The following PRKCB variants were observed in gnomAD, a reference collection of about 807,000 sequenced individuals.
PRKCB encodes protein kinase C beta.
Under a neutral mutation model 81.5 loss-of-function variants are expected in PRKCB, and 13 were observed. The ratio of observed to expected loss-of-function variants is 0.16; its 90% CI spans 0.10 to 0.25. PRKCB has a LOEUF of 0.25. Ranked by LOEUF, PRKCB falls within the 10% of genes least tolerant of loss-of-function variation. PRKCB has a pLI of 1.00. For missense variants in PRKCB, 509 were observed against 875.7 expected (o/e 0.58, Z 5.29); for synonymous variants, 335 against 321.4 (o/e 1.04, Z -0.45).
At chr16:24,026,370 G>T (rs1400772021) in intron 3 of PRKCB, among the ~76,000 whole-genome samples, 1 of 152,140 alleles carries the variant, frequency 6.6e-6, no homozygotes, top group African/African-American at 2.4e-5. Flanking sequence ...GTGCTTCTTG[G>T]TATCTCCTCT....
At chr16:23,845,533 C>A (rs185800088) in intron 2 of PRKCB, among the ~76,000 whole-genome samples, 6 of 152,178 alleles carry the variant, frequency 3.9e-5, no homozygotes, top group Admixed American at 2.0e-4. Context: ...GTAATCACAG[C>A]ACTCCGGAAG....
chr16:23,882,013 TCTTTCTTTCTTCCTTCCTTCCTTC>T (rs1290147063), intron 2 of PRKCB, among the ~76,000 whole-genome samples: 1 of 22,528 alleles, frequency 4.4e-5, no homozygotes, highest in African/African-American at 9.1e-5. Flanking sequence ...TTTCTTTCTT[TCTTTCTTTCTTCCTTCCTTCCTTC>T]CTTCCTTCCT....
At chr16:24,004,424 T>C (rs1222296744) in intron 3 of PRKCB, among the ~76,000 whole-genome samples, 1 of 150,126 alleles carries the variant, frequency 6.7e-6, no homozygotes, top group Non-Finnish European at 1.5e-5. Context: ...AGCAGATCAC[T>C]TGAGCTCAGG....
intron 2 of PRKCB, among the ~76,000 whole-genome samples, chr16:23,931,520 TG>T (rs1376545555): frequency 6.6e-6 from 1 of 151,960 alleles, no homozygotes; most frequent in African/African-American, 2.4e-5. Flanking sequence ...GTCATCAGGT[TG>T]GGGTGAGGGT....
At chr16:24,155,104 C>T (rs920917126) in intron 10 of PRKCB, among the ~76,000 whole-genome samples, 1 of 152,230 alleles carries the variant, frequency 6.6e-6, no homozygotes, top group Admixed American at 6.5e-5. Flanking sequence ...ATTAACAGAG[C>T]AGGGCCTTTC....
At position 24,219,930 on chromosome 16, in the gene PRKCB, T is replaced by G. The variant is rs1968296209; in HGVS notation, c.*5114T>G. ...TGGTCCTGTGTCTTTCTTCTTACGC[T>G]GTGTTAATGTGTTTACTTTCCATTT... On this transcript the variant is annotated 3_prime_UTR_variant, in exon 17 of 17. Transcript: ENST00000643927. 2 of 1,609,706 alleles carry G rather than the reference T, an allele frequency of 1.2e-6. No individual in the cohort carries two copies. The highest frequency in any genetic ancestry group is 4.5e-5 in the East Asian group (2 of 44,676).
At chr16:24,165,883 CTTTTTTTT>C (rs71154285) in intron 10 of PRKCB, among the ~76,000 whole-genome samples, 6 of 94,002 alleles carry the variant, frequency 6.4e-5, no homozygotes, top group Non-Finnish European at 1.1e-4. Context: ...TTCTTTCTTT[CTTTTTTTT>C]TTTTTTTTTT....
intron 8 of PRKCB, among the ~76,000 whole-genome samples, chr16:24,117,102 A>T (rs1966744619): frequency 6.9e-6 from 1 of 145,626 alleles, no homozygotes; most frequent in African/African-American, 2.8e-5. Flanking sequence ...ACAGACCGAA[A>T]ATTGTTCTCA....
chr16:24,008,103 T>C (rs960646460), intron 3 of PRKCB, among the ~76,000 whole-genome samples: 1 of 152,230 alleles, frequency 6.6e-6, no homozygotes, highest in Non-Finnish European at 1.5e-5. Flanking sequence ...CCCTGTGAGA[T>C]AGGTTATCAT....
intron 10 of PRKCB, among the ~76,000 whole-genome samples, chr16:24,158,558 A>G (rs1201811066): frequency 1.3e-5 from 2 of 151,500 alleles, no homozygotes; most frequent in African/African-American, 4.9e-5. Context: ...GTATATGTAT[A>G]TGTATATGTA....
intron 5 of PRKCB, among the ~76,000 whole-genome samples, chr16:24,090,611 G>T (rs1188959202): frequency 6.6e-6 from 1 of 152,150 alleles, no homozygotes; most frequent in South Asian, 2.1e-4. Flanking sequence ...AAAGCAAGAG[G>T]GAATAGGGAG....
At chr16:24,040,260 C>T (rs1053210701) in intron 5 of PRKCB, among the ~76,000 whole-genome samples, 1 of 152,156 alleles carries the variant, frequency 6.6e-6, no homozygotes, top group African/African-American at 2.4e-5. Flanking sequence ...TCTAACATGG[C>T]GATCTCATTC....
At chr16:23,897,031 A>G (rs755067435) in intron 2 of PRKCB, among the ~76,000 whole-genome samples, 16 of 152,014 alleles carry the variant, frequency 1.1e-4, no homozygotes, top group Non-Finnish European at 1.9e-4. Flanking sequence ...CATCCATCCA[A>G]TAAGCAGTCA....
intron 3 of PRKCB, among the ~76,000 whole-genome samples, chr16:24,002,324 C>CGTGTGTGTGTGT (rs1491527505): frequency 8.2e-6 from 1 of 122,654 alleles, no homozygotes; most frequent in Non-Finnish European, 1.8e-5. Flanking sequence ...TGTGTGTGTG[C>CGTGTGTGTGTGT]GTGCGTGTGT....
At chr16:23,946,958 C>T (rs368574294) in intron 2 of PRKCB, among the ~76,000 whole-genome samples, 5 of 151,752 alleles carry the variant, frequency 3.3e-5, no homozygotes, top group Non-Finnish European at 5.9e-5. Context: ...TAGGCTTAAG[C>T]GATTCTCTTG....
intron 2 of PRKCB, among the ~76,000 whole-genome samples, chr16:23,982,124 CT>C (rs1964737504): frequency 4.4e-5 from 1 of 22,794 alleles, no homozygotes; most frequent in African/African-American, 2.6e-4. Flanking sequence ...TTCCCTTCCC[CT>C]TCCCTTCCCT....
chr16:23,896,289 C>T (rs1963378080), intron 2 of PRKCB, among the ~76,000 whole-genome samples: 1 of 152,156 alleles, frequency 6.6e-6, no homozygotes, highest in Non-Finnish European at 1.5e-5. Flanking sequence ...TCATTACTCA[C>T]TTTTTATGTT....
At chr16:23,843,400 G>A (rs1962300369) in intron 2 of PRKCB, among the ~76,000 whole-genome samples, 1 of 152,118 alleles carries the variant, frequency 6.6e-6, no homozygotes, top group African/African-American at 2.4e-5. Context: ...TGAATAAAAG[G>A]CAGAGGCTTT....
intron 15 of PRKCB, among the ~76,000 whole-genome samples, chr16:24,190,265 C>A (rs1033621410): frequency 1.3e-5 from 2 of 152,108 alleles, no homozygotes; most frequent in African/African-American, 2.4e-5. Flanking sequence ...TTGACTAATA[C>A]TTTTTCTTCT....
Sources: allele counts gnomAD v4.1 joint callset (sites outside exome capture counted in the v4.1 genomes callset), GRCh38; gene constraint gnomAD v4.1.1; transcripts MANE v1.5; gene names NCBI Gene and HGNC (gene_info 2026-07-23, HGNC 2026-07-21).